Variants in ZRANB3 observed in about 807,000 individuals in gnomAD.
ZRANB3 encodes the protein DNA annealing helicase and endonuclease ZRANB3.
ZRANB3 carries 125 observed loss-of-function variants against 133.8 expected under a neutral mutation model. The ratio of observed to expected loss-of-function variants is 0.93; its 90% confidence interval spans 0.81 to 1.08. The LOEUF is 1.08. ZRANB3 is among the 50% of genes least tolerant of loss of function. The pLI is 0.00. For missense variants in ZRANB3, 1,229 were observed against 1,275.5 expected (o/e 0.96, Z 0.56); for synonymous variants, 387 against 432.7 (o/e 0.89, Z 1.31).
rs1693448554 is a variant in ZRANB3, at chr2:135,197,267, T to G, written c.*3075A>C. ...GTTTGATATCCATGATTCTGTATCC[T>G]ATGAGTAAACACAACCTATTTACTG... On this transcript the variant is annotated 3_prime_UTR_variant, in exon 21 of 21. Transcript: ENST00000264159. 6.6e-6 allele frequency: 1 copy of G among 152,192 alleles called. No homozygotes were observed. Among genetic ancestry groups the G allele is most frequent in the African/African-American group, 2.4e-5 (1 of 41,464 alleles). The allele number at this position is 152,192 out of a possible 1,614,324, so 9.4% of individuals were successfully genotyped here.
intron 2 of ZRANB3, among the ~76,000 whole-genome samples, chr2:135,428,631 C>T (rs1470524165): frequency 6.6e-6 from 1 of 152,098 alleles, no homozygotes; most frequent in African/African-American, 2.4e-5. Context: ...TGTTCAGAGT[C>T]TGTAAGAAAC....
intron 2 of ZRANB3, among the ~76,000 whole-genome samples, chr2:135,456,327 G>A (rs1382474417): frequency 6.6e-6 from 1 of 152,180 alleles, no homozygotes; most frequent in Non-Finnish European, 1.5e-5. Flanking sequence ...TAGCTGGCAA[G>A]GGGGAATAGC....
In ZRANB3 at chr2:135,400,703, C is replaced by G. The variant is rs1239614146; in HGVS notation, c.162-9883G>C. On this transcript the variant is annotated intron_variant, in intron 2 of 20. Coordinates refer to ENST00000264159, the MANE Select transcript of ZRANB3 (RefSeq NM_032143.4). ...AAGGCAGGGGTTGGCACATTTTTTT[C>G]TAATGGTAAATATTTTAGGCTTTAC... Among the ~76,000 whole-genome samples, 4 of 152,210 alleles carry G rather than the reference C, an allele frequency of 2.6e-5. No homozygotes were observed. The East Asian group carries it at 7.7e-4, about 29-fold the overall frequency.
intron 8 of ZRANB3, among the ~76,000 whole-genome samples, chr2:135,279,150 T>A (rs957149830): frequency 2.0e-5 from 3 of 152,166 alleles, no homozygotes; most frequent in Admixed American, 6.5e-5. Context: ...GGACTGTTAT[T>A]TTTTGGATCT....
chr2:135,312,777 A>G (rs537414211), intron 8 of ZRANB3, among the ~76,000 whole-genome samples: 40 of 152,112 alleles, frequency 2.6e-4, no homozygotes, highest in Non-Finnish European at 3.7e-4. Flanking sequence ...GCAGTTTGGA[A>G]AGCCAAGGTG....
Position 135,230,677 on chromosome 2 carries a change from G to A in ZRANB3, c.1790C>T (p.Ser597Phe), listed in dbSNP as rs748551357. Residue 597 changes from serine (S) to phenylalanine (F), a missense_variant, in exon 13 of 21, where the codon TCC becomes TTC. Physicochemically the swap from Ser to Phe is radical, Grantham distance 155 (BLOSUM62 -2). Coordinates refer to ENST00000264159, the MANE Select transcript of ZRANB3 (RefSeq NM_032143.4). ...CSPSEETPSQ[S>F]KQIRTPLVES... Reference sequence around the variant, plus strand: ...CACGAGTGGAGTTCGGATTTGCTTGGACTGGGATGGTGTCTCTTCCGACGG... The same window carrying A: ...CACGAGTGGAGTTCGGATTTGCTTGAACTGGGATGGTGTCTCTTCCGACGG... 2.5e-6 allele frequency: 4 copies of A among 1,613,476 alleles called. No homozygotes were observed. Among genetic ancestry groups the A allele is most frequent in the Non-Finnish European group, 3.4e-6 (4 of 1,179,740 alleles).
intron 2 of ZRANB3, among the ~76,000 whole-genome samples, chr2:135,416,393 A>C (rs1351519427): frequency 6.6e-6 from 1 of 152,142 alleles, no homozygotes; most frequent in South Asian, 2.1e-4. Flanking sequence ...TAGGAATCCA[A>C]CTTACAAGGG....
intron 8 of ZRANB3, among the ~76,000 whole-genome samples, chr2:135,306,591 CTTT>C (rs879814169): frequency 2.7e-5 from 3 of 112,092 alleles, no homozygotes; most frequent in South Asian, 2.8e-4. Context: ...CGCACCCGGC[CTTT>C]TTTTTTTTTT....
chr2:135,357,039 T>C (rs1481699254), intron 3 of ZRANB3, among the ~76,000 whole-genome samples: 1 of 152,182 alleles, frequency 6.6e-6, no homozygotes, highest in African/African-American at 2.4e-5. Context: ...TTCTTTTTAA[T>C]AGATTACATT....
At chr2:135,243,245 G>C (rs1695626230) in intron 12 of ZRANB3, among the ~76,000 whole-genome samples, 1 of 152,236 alleles carries the variant, frequency 6.6e-6, no homozygotes, top group African/African-American at 2.4e-5. Context: ...GCTGGGCGCG[G>C]TGGCTCACGC....
chr2:135,307,385 T>C lies in ZRANB3; in HGVS notation c.966+6104A>G, dbSNP rs1194507853. 2.0e-5 allele frequency among the ~76,000 whole-genome samples: 3 copies of C among 152,192 alleles called. No individual in the cohort carries two copies. The East Asian group carries it at 5.8e-4, about 29-fold the overall frequency. On this transcript the variant is annotated intron_variant, in intron 8 of 20. Transcript: ENST00000264159. ...CCGGCCAGATTTTTTATGATTACAT[T>C]TTATTTCCACTATTGGCTCATAACT... is the stretch of plus-strand genomic sequence containing the variant.
chr2:135,407,426 C>G (rs1043672714), intron 2 of ZRANB3, among the ~76,000 whole-genome samples: 1 of 151,266 alleles, frequency 6.6e-6, no homozygotes, highest in Admixed American at 6.6e-5. Context: ...CAATGCCATC[C>G]CCATCAAGCT....
At chr2:135,357,830 A>C (rs961008174) in intron 3 of ZRANB3, among the ~76,000 whole-genome samples, 13 of 152,144 alleles carry the variant, frequency 8.5e-5, no homozygotes, top group Admixed American at 7.9e-4. Flanking sequence ...CTAATTTAAC[A>C]CCAGATATCT....
intron 3 of ZRANB3, among the ~76,000 whole-genome samples, chr2:135,372,141 G>C (rs1686208469): frequency 6.6e-6 from 1 of 150,620 alleles, no homozygotes; most frequent in Admixed American, 6.6e-5. Flanking sequence ...GTGCCAGCCT[G>C]GGTGACAGAG....
At chr2:135,429,178 T>C (rs1001267093) in intron 2 of ZRANB3, among the ~76,000 whole-genome samples, 14 of 152,290 alleles carry the variant, frequency 9.2e-5, no homozygotes, top group African/African-American at 3.4e-4. Context: ...ATGTGGTACA[T>C]ATACATTATG....
At chr2:135,419,082 C>T (rs894803419) in intron 2 of ZRANB3, among the ~76,000 whole-genome samples, 10 of 151,304 alleles carry the variant, frequency 6.6e-5, no homozygotes, top group Non-Finnish European at 8.8e-5. Context: ...GGACTACAGG[C>T]ACCCACCACC....
In ZRANB3 at chr2:135,434,741, T is replaced by A. The variant is rs1574098702; in HGVS notation, c.162-43921A>T. 2.6e-5 allele frequency among the ~76,000 whole-genome samples: 4 copies of A among 152,352 alleles called. No individual in the cohort carries two copies. The South Asian group carries it at 8.3e-4, about 32-fold the overall frequency. On this transcript the variant is annotated intron_variant, in intron 2 of 20. Transcript: ENST00000264159. ...TTCACAGGCCAAACTGTTCAGAAGA[T>A]AAGACTATAAACTAATCTAAGCTGA...
At chr2:135,506,516 TAAG>T (rs1693197019) in intron 1 of ZRANB3, among the ~76,000 whole-genome samples, 1 of 152,154 alleles carries the variant, frequency 6.6e-6, no homozygotes, top group South Asian at 2.1e-4. Flanking sequence ...GATTCCTTTT[TAAG>T]AAGGAATGCT....
intron 2 of ZRANB3, among the ~76,000 whole-genome samples, chr2:135,440,972 GA>G (rs1689754356): frequency 6.6e-6 from 1 of 151,990 alleles, no homozygotes; most frequent in Non-Finnish European, 1.5e-5. Context: ...TGAAGCCTCA[GA>G]CAGAGACCTT....
Sources: gnomAD v4.1 joint callset for allele counts (sites outside exome capture counted in the v4.1 genomes callset) on GRCh38, gnomAD v4.1.1 for gene constraint, MANE v1.5 for transcripts, NCBI Gene and HGNC (gene_info 2026-07-23, HGNC 2026-07-21) for gene names.